The following PSMA1 variants were observed in gnomAD, a reference collection of about 807,000 sequenced individuals.
The protein encoded by PSMA1 is proteasome 20S subunit alpha 1.
PSMA1 carries 3 observed loss-of-function variants against 38.4 expected under a neutral mutation model. The ratio of observed to expected loss-of-function variants is 0.08; its 90% confidence interval spans 0.04 to 0.20. The LOEUF is 0.20. PSMA1 is among the 10% of genes least tolerant of loss of function. PSMA1 has a pLI of 1.00. For missense variants in PSMA1, 227 were observed against 325.3 expected, an observed-to-expected ratio of 0.70 and a Z score of 2.32; for synonymous variants, 101 against 107.1, an observed-to-expected ratio of 0.94 and a Z score of 0.35.
intron 2 of PSMA1, among the ~76,000 whole-genome samples, chr11:14,586,220 C>T: frequency 6.6e-6 from 1 of 152,158 alleles, no homozygotes; most frequent in East Asian, 1.9e-4. Context: ...CTACTTGAGG[C>T]CAGGAATTCG....
intron 1 of PSMA1, among the ~76,000 whole-genome samples, chr11:14,637,807 AT>A (rs1363918578): frequency 6.6e-6 from 1 of 152,208 alleles, no homozygotes; most frequent in Non-Finnish European, 1.5e-5. Context: ...AAAGAGAGCT[AT>A]TTACTTGATT....
intron 2 of PSMA1, among the ~76,000 whole-genome samples, chr11:14,581,498 T>C (rs954278667): frequency 5.3e-5 from 8 of 152,190 alleles, no homozygotes; most frequent in African/African-American, 1.9e-4. Context: ...GATGGGCTAA[T>C]ATGAGTAAAA....
At chr11:14,613,365 T>C (rs1679974839) in intron 1 of PSMA1, among the ~76,000 whole-genome samples, 1 of 148,036 alleles carries the variant, frequency 6.8e-6, no homozygotes, top group African/African-American at 2.4e-5. Context: ...GATTCTCATG[T>C]CTCAGATTCC....
At chr11:14,633,729 C>T (rs1267413905) in intron 1 of PSMA1, among the ~76,000 whole-genome samples, 1 of 152,160 alleles carries the variant, frequency 6.6e-6, no homozygotes, top group Admixed American at 6.5e-5. Context: ...GGGCACCCCT[C>T]CCCCAGCCTA....
intron 4 of PSMA1, among the ~76,000 whole-genome samples, chr11:14,516,202 T>A (rs371974040): frequency 3.1e-4 from 33 of 107,592 alleles, no homozygotes; most frequent in African/African-American, 1.1e-3. Context: ...AGCGCGAGAC[T>A]CCGTCTCAAA....
intron 1 of PSMA1, among the ~76,000 whole-genome samples, chr11:14,613,293 C>T (rs1422122252): frequency 2.9e-5 from 4 of 137,084 alleles, no homozygotes; most frequent in Non-Finnish European, 3.2e-5. Flanking sequence ...GAGATGGTGC[C>T]CAGGCTGGAC....
chr11:14,513,465 T>C (rs1020071206), intron 7 of PSMA1, 105 bp downstream of exon 7: 167 of 1,178,654 alleles, frequency 1.4e-4, no homozygotes, highest in Non-Finnish European at 1.6e-4. Context: ...AAAAAATTCT[T>C]TCTATAAGAC....
At chr11:14,521,778 AC>A (rs201497111), upstream of PSMA1, among the ~76,000 whole-genome samples, 499 of 149,940 alleles carry the variant, frequency 3.3e-3, 23 homozygotes, top group African/African-American at 0.011. Context: ...AAAAAAAAAA[AC>A]AAAAAACAAA....
chr11:14,628,417 T>C (rs1852947654), intron 1 of PSMA1, among the ~76,000 whole-genome samples: 2 of 147,256 alleles, frequency 1.4e-5, no homozygotes, highest in South Asian at 4.5e-4. Flanking sequence ...ATATGCGGTG[T>C]TTGGTTTTTT....
At chr11:14,624,499 G>C (rs574926474) in intron 1 of PSMA1, among the ~76,000 whole-genome samples, 121 of 152,202 alleles carry the variant, frequency 7.9e-4, no homozygotes, top group African/African-American at 2.7e-3. Context: ...GGGGATTTTG[G>C]GCTCCCCATA....
intron 7 of PSMA1, among the ~76,000 whole-genome samples, chr11:14,511,870 T>TA (rs963790704): frequency 4.1e-4 from 62 of 152,038 alleles, no homozygotes; most frequent in Admixed American, 2.4e-3. Flanking sequence ...TAGGAATCTA[T>TA]AAAAAAATGA....
intron 2 of PSMA1, among the ~76,000 whole-genome samples, chr11:14,587,592 T>G (rs1332114398): frequency 1.3e-5 from 2 of 152,154 alleles, no homozygotes; most frequent in African/African-American, 4.8e-5. Context: ...CTGTTTTTTT[T>G]TTTTGTCTTT....
intron 2 of PSMA1, among the ~76,000 whole-genome samples, chr11:14,536,191 T>A (rs1481479118): frequency 2.0e-5 from 3 of 152,230 alleles, no homozygotes; most frequent in Non-Finnish European, 2.9e-5. Flanking sequence ...CAATAATAAC[T>A]GTTATTACTA....
chr11:14,586,427 G>T (rs1440788957), intron 2 of PSMA1, among the ~76,000 whole-genome samples: 1 of 150,774 alleles, frequency 6.6e-6, no homozygotes, highest in Non-Finnish European at 1.5e-5. Context: ...GTGAGACTCT[G>T]TCTCAAAAAA....
chr11:14,552,131 C>A (rs745931297), intron 2 of PSMA1, among the ~76,000 whole-genome samples: 4 of 152,114 alleles, frequency 2.6e-5, no homozygotes, highest in African/African-American at 4.8e-5. Flanking sequence ...AGGAGTTTCC[C>A]TGAGGCTGGA....
intron 2 of PSMA1, among the ~76,000 whole-genome samples, chr11:14,572,895 A>C (rs1852163524): frequency 6.6e-6 from 1 of 152,246 alleles, no homozygotes; most frequent in Non-Finnish European, 1.5e-5. Flanking sequence ...ACCTCTACGC[A>C]AATAAACTAG....
At chr11:14,519,277 A>T in intron 1 of PSMA1, 3 of 573,342 alleles carry the variant, frequency 5.2e-6, no homozygotes, top group Non-Finnish European at 6.6e-6. Context: ...CTCTTATTCT[A>T]ACACCCTCCA....
intron 1 of PSMA1, among the ~76,000 whole-genome samples, chr11:14,621,596 T>C (rs1363401565): frequency 6.6e-6 from 1 of 152,176 alleles, no homozygotes; most frequent in Non-Finnish European, 1.5e-5. Context: ...AATATAGCAA[T>C]GCTAGTAATG....
chr11:14,536,646 C>G (rs909814528), intron 2 of PSMA1, among the ~76,000 whole-genome samples: 1 of 151,674 alleles, frequency 6.6e-6, no homozygotes, highest in Non-Finnish European at 1.5e-5. Context: ...GAGTCTCGCT[C>G]TGTCGCCCAG....
Sources: gnomAD v4.1 joint callset for allele counts (sites outside exome capture counted in the v4.1 genomes callset) on GRCh38, gnomAD v4.1.1 for gene constraint, MANE v1.5 for transcripts, NCBI Gene and HGNC (gene_info 2026-07-23, HGNC 2026-07-21) for gene names.